The following NPAS3 variants were observed in gnomAD, a reference collection of about 807,000 sequenced individuals.
The protein encoded by NPAS3 is neuronal PAS domain-containing protein 3.
A neutral mutation model predicts 73.1 loss-of-function variants in NPAS3; 14 were observed. That is an observed-to-expected ratio of 0.19 (90% CI 0.13 to 0.30). The LOEUF (loss-of-function observed/expected upper bound fraction) is 0.30, where lower values mean the gene tolerates loss of function less well. Among genes scored for constraint, NPAS3 ranks in the 10% least tolerant of loss-of-function variants. The pLI, the probability that NPAS3 is intolerant of heterozygous loss-of-function variation, is 1.00. For synonymous variants in NPAS3, 620 were observed against 541.5 expected (o/e 1.14, Z -2.01); for missense variants, 1,096 against 1,250.0 (o/e 0.88, Z 1.86).
exon 12 of NPAS3, chr14:33,801,028 G>A: frequency 6.3e-7 from 1 of 1,591,666 alleles, no homozygotes. Context: ...CCACGGCCGA[G>A]GGACTCTTCT....
chr14:33,725,718 C>T (rs2061246720), intron 6 of NPAS3, among the ~76,000 whole-genome samples: 2 of 152,094 alleles, frequency 1.3e-5, no homozygotes, highest in South Asian at 4.1e-4. Context: ...CTTTCATTGC[C>T]ACTGTCCTGG....
At position 33,625,354 on chromosome 14, in the gene NPAS3, C is replaced by T. The variant is rs553430936; in HGVS notation, c.559-50857C>T. Reference sequence around the variant, plus strand: ...CCAGTTAGTCAACATACAGGAAATTCTGCTGCAAGTAGGGAAATATCTTTC... The same window carrying T: ...CCAGTTAGTCAACATACAGGAAATTTTGCTGCAAGTAGGGAAATATCTTTC... On this transcript the variant is annotated intron_variant, in intron 5 of 11. Coordinates refer to ENST00000356141, the Ensembl canonical transcript of NPAS3. 1.6e-3 allele frequency among the ~76,000 whole-genome samples: 238 copies of T among 152,316 alleles called. 1 individual carries two copies. The highest frequency in any genetic ancestry group is 5.3e-3 in the African/African-American group (222 of 41,576).
chr14:33,777,021 A>G (rs2062842612), intron 8 of NPAS3, among the ~76,000 whole-genome samples: 1 of 152,198 alleles, frequency 6.6e-6, no homozygotes. Context: ...TTATTATTTA[A>G]TTAGGGAATT....
intron 6 of NPAS3, among the ~76,000 whole-genome samples, chr14:33,731,201 G>A (rs1016548360): frequency 1.3e-5 from 2 of 152,022 alleles, no homozygotes; most frequent in African/African-American, 2.4e-5. Flanking sequence ...GGCCAAGGCT[G>A]TGAATCCCTG....
At chr14:33,353,433 C>G (rs1175752308) in intron 3 of NPAS3, among the ~76,000 whole-genome samples, 3 of 152,154 alleles carry the variant, frequency 2.0e-5, no homozygotes, top group Non-Finnish European at 4.4e-5. Flanking sequence ...CCAAGTAACT[C>G]CTCTATTTAT....
At chr14:32,994,630 G>T (rs78196448) in intron 1 of NPAS3, among the ~76,000 whole-genome samples, 10,212 of 120,740 alleles carry the variant, frequency 0.085, 591 homozygotes, top group African/African-American at 0.18. Flanking sequence ...TTGTTTGTTT[G>T]TTTTTGTTTT....
At chr14:33,625,384 G>T (rs1234364070) in intron 5 of NPAS3, among the ~76,000 whole-genome samples, 1 of 152,192 alleles carries the variant, frequency 6.6e-6, no homozygotes, top group African/African-American at 2.4e-5. Context: ...TCTTTCCTTT[G>T]CTGTAACAAC....
chr14:33,259,870 T>TG (rs2048909095), intron 3 of NPAS3, among the ~76,000 whole-genome samples: 3 of 149,758 alleles, frequency 2.0e-5, no homozygotes, highest in African/African-American at 7.3e-5. Context: ...TTTTTTTTTT[T>TG]TGAGAGAGCA....
In NPAS3 at chr14:33,709,188, C is replaced by G. The variant is rs181224763; in HGVS notation, c.734-26026C>G. The stretch of plus-strand genomic sequence containing the variant: ...AGCTCTTTTCTATTCACAAAAATAA[C>G]TGCTTTATTTCTACAGATGGCACCA... On this transcript the variant is annotated intron_variant, in intron 6 of 11. Transcript: ENST00000356141. Among the ~76,000 whole-genome samples the G allele has an allele frequency of 1.2e-4, 18 of 152,328 alleles. No homozygotes were observed. In the South Asian group the frequency reaches 1.7e-3, roughly 14 times the overall value.
intron 3 of NPAS3, among the ~76,000 whole-genome samples, chr14:33,319,038 C>T (rs1193592167): frequency 1.3e-5 from 2 of 152,066 alleles, no homozygotes; most frequent in African/African-American, 4.8e-5. Flanking sequence ...TCCTGTTAGT[C>T]TTACCTGAGA....
intron 3 of NPAS3, among the ~76,000 whole-genome samples, chr14:33,329,532 G>C (rs2043880949): frequency 6.6e-6 from 1 of 152,118 alleles, no homozygotes; most frequent in Admixed American, 6.6e-5. Flanking sequence ...GAAATTCTCA[G>C]GTGAAAACTA....
chr14:33,671,569 G>C (rs1016664658), intron 5 of NPAS3, among the ~76,000 whole-genome samples: 2 of 152,096 alleles, frequency 1.3e-5, no homozygotes, highest in African/African-American at 4.8e-5. Flanking sequence ...GCAGGGAAAG[G>C]CAGGAAAAAA....
At chr14:33,731,942 C>T (rs1237878085) in intron 6 of NPAS3, among the ~76,000 whole-genome samples, 1 of 152,102 alleles carries the variant, frequency 6.6e-6, no homozygotes, top group African/African-American at 2.4e-5. Flanking sequence ...CTGGGCGCAA[C>T]TGGGCTTTGA....
intron 2 of NPAS3, among the ~76,000 whole-genome samples, chr14:33,108,556 G>A (rs1007514264): frequency 1.7e-4 from 26 of 152,120 alleles, no homozygotes; most frequent in East Asian, 1.2e-3. Context: ...GATGCTGTGA[G>A]TTTTGTCTTA....
At chr14:33,118,997 T>C (rs1459652639) in intron 2 of NPAS3, among the ~76,000 whole-genome samples, 1 of 151,952 alleles carries the variant, frequency 6.6e-6, no homozygotes, top group Non-Finnish European at 1.5e-5. Context: ...AAATGCTACA[T>C]GGCAATATTT....
intron 2 of NPAS3, among the ~76,000 whole-genome samples, chr14:33,205,382 A>C (rs2139615939): frequency 6.6e-6 from 1 of 152,292 alleles, no homozygotes; most frequent in Non-Finnish European, 1.5e-5. Flanking sequence ...TTGTTTACAT[A>C]CTTGGTTATT....
chr14:33,227,028 G>A (rs1246347452), intron 3 of NPAS3, among the ~76,000 whole-genome samples: 1 of 152,058 alleles, frequency 6.6e-6, no homozygotes, highest in Non-Finnish European at 1.5e-5. Flanking sequence ...TTTGAAAAGA[G>A]GCATGAAGAT....
At chr14:33,057,798 A>T (rs1053535940) in intron 2 of NPAS3, among the ~76,000 whole-genome samples, 1 of 152,192 alleles carries the variant, frequency 6.6e-6, no homozygotes, top group Non-Finnish European at 1.5e-5. Flanking sequence ...GAAGGGGAGG[A>T]AATCCCCAAG....
At chr14:33,489,072 C>T (rs921752955) in intron 4 of NPAS3, among the ~76,000 whole-genome samples, 2 of 152,136 alleles carry the variant, frequency 1.3e-5, no homozygotes, top group East Asian at 3.9e-4. Context: ...ACCAGTGATA[C>T]TTAGAGACAG....
Sources: allele counts gnomAD v4.1 joint callset (sites outside exome capture counted in the v4.1 genomes callset), GRCh38; gene constraint gnomAD v4.1.1; transcripts MANE v1.5; gene names NCBI Gene and HGNC (gene_info 2026-07-23, HGNC 2026-07-21).